The following GRIP1 variants were observed in gnomAD, a reference collection of about 807,000 sequenced individuals.
GRIP1 encodes glutamate receptor-interacting protein 1.
A neutral mutation model predicts 129.9 loss-of-function variants in GRIP1; 45 were observed. The observed-to-expected ratio is 0.35, with a 90% CI of 0.27 to 0.44. The LOEUF (loss-of-function observed/expected upper bound fraction) is 0.44, where lower values mean the gene tolerates loss of function less well. Ranked by LOEUF, GRIP1 falls within the 20% of genes least tolerant of loss-of-function variation. The probability of loss-of-function intolerance (pLI) is 1.00; values close to 1 mark genes in which losing one functional copy is unlikely to be tolerated. For synonymous variants in GRIP1, 530 were observed against 520.8 expected (o/e 1.02, Z -0.24); for missense variants, 1,196 against 1,396.8 (o/e 0.86, Z 2.29).
At chr12:66,851,979 A>G (rs995315248) in intron 1 of GRIP1, among the ~76,000 whole-genome samples, 1 of 152,080 alleles carries the variant, frequency 6.6e-6, no homozygotes, top group Non-Finnish European at 1.5e-5. Flanking sequence ...TGGCACAATT[A>G]ATATTCCTTT....
intron 1 of GRIP1, among the ~76,000 whole-genome samples, chr12:66,824,070 G>T (rs1216544461): frequency 6.6e-6 from 1 of 152,196 alleles, no homozygotes; most frequent in Non-Finnish European, 1.5e-5. Context: ...AGTCTGACAA[G>T]TTTTCAAGTT....
intron 14 of GRIP1, among the ~76,000 whole-genome samples, chr12:66,431,353 G>T (rs779414469): frequency 2.6e-5 from 4 of 152,116 alleles, no homozygotes; most frequent in Non-Finnish European, 5.9e-5. Flanking sequence ...TCACATTAGG[G>T]TTTGGGGGGA....
chr12:66,958,913 C>T lies in GRIP1; in HGVS notation c.58+110137G>A, dbSNP rs569507460. ...CCGCAGAGAATGAGTGCCCAGTACC[C>T]CACACACTCTCCAGCATCAGATATC... On this transcript the variant is annotated intron_variant, in intron 1 of 1. Transcript: ENST00000643019. Among the ~76,000 whole-genome samples, 31 of 152,220 alleles carry T rather than the reference C, an allele frequency of 2.0e-4. No homozygotes were observed. The South Asian group carries it at 6.0e-3, about 30-fold the overall frequency.
At chr12:66,704,654 G>C (rs1362182781) in intron 1 of GRIP1, among the ~76,000 whole-genome samples, 4 of 152,066 alleles carry the variant, frequency 2.6e-5, no homozygotes, top group Non-Finnish European at 5.9e-5. Flanking sequence ...GAGGTTAACA[G>C]AGTATCACTT....
At chr12:66,981,454 T>C (rs892235935) in intron 1 of GRIP1, among the ~76,000 whole-genome samples, 3 of 152,176 alleles carry the variant, frequency 2.0e-5, no homozygotes, top group South Asian at 2.1e-4. Flanking sequence ...CAAATATAAA[T>C]GACTATAATA....
At chr12:66,706,410 T>C (rs1395205017) in intron 1 of GRIP1, among the ~76,000 whole-genome samples, 1 of 152,156 alleles carries the variant, frequency 6.6e-6, no homozygotes, top group East Asian at 1.9e-4. Flanking sequence ...GCTTTTACAC[T>C]GTTGGTGGGA....
chr12:66,380,862 G>C (rs112869743), intron 19 of GRIP1, among the ~76,000 whole-genome samples: 1 of 152,082 alleles, frequency 6.6e-6, no homozygotes, highest in Non-Finnish European at 1.5e-5. Context: ...ACATGGATGC[G>C]CTGGCTTGGA....
intron 1 of GRIP1, among the ~76,000 whole-genome samples, chr12:66,922,247 GTA>G (rs2041225076): frequency 6.6e-6 from 1 of 152,168 alleles, no homozygotes; most frequent in Non-Finnish European, 1.5e-5. Context: ...GAACACATCA[GTA>G]ACCCCCAAAG....
chr12:66,565,789 C>T (rs1440051044), intron 2 of GRIP1, among the ~76,000 whole-genome samples: 2 of 152,156 alleles, frequency 1.3e-5, no homozygotes, highest in African/African-American at 4.8e-5. Context: ...TTTGTGTCCT[C>T]TTTTATTTCG....
intron 1 of GRIP1, among the ~76,000 whole-genome samples, chr12:66,950,806 T>C (rs2041745218): frequency 6.6e-6 from 1 of 152,196 alleles, no homozygotes; most frequent in Non-Finnish European, 1.5e-5. Flanking sequence ...AAAAAGTACA[T>C]GGTCATTCAT....
At chr12:67,064,096 T>C (rs2043581663) in intron 1 of GRIP1, among the ~76,000 whole-genome samples, 1 of 152,212 alleles carries the variant, frequency 6.6e-6, no homozygotes, top group South Asian at 2.1e-4. Flanking sequence ...TAAAATGTAG[T>C]CAAATAATTC....
At chr12:67,028,233 C>G (rs1866422080) in intron 1 of GRIP1, among the ~76,000 whole-genome samples, 1 of 152,342 alleles carries the variant, frequency 6.6e-6, no homozygotes, top group South Asian at 2.1e-4. Flanking sequence ...GATTTCCCCT[C>G]CTGTTATATC....
chr12:66,409,546 T>C (rs1374234593), intron 15 of GRIP1, among the ~76,000 whole-genome samples: 6 of 152,044 alleles, frequency 3.9e-5, no homozygotes, highest in African/African-American at 1.2e-4. Flanking sequence ...TTCGAATACT[T>C]AGAAAGCCTT....
At position 67,046,127 on chromosome 12, in the gene GRIP1, C is replaced by T. The variant is rs574320407; in HGVS notation, c.58+22923G>A. Among the ~76,000 whole-genome samples, 4 of 152,312 alleles carry T rather than the reference C, an allele frequency of 2.6e-5. No homozygotes were observed. In the South Asian group the frequency reaches 6.2e-4, roughly 24 times the overall value. On this transcript the variant is annotated intron_variant, in intron 1 of 1. Coordinates refer to the GRIP1 transcript ENST00000643019. ...TCTGATAAAACTGTAAAGAAAACAA[C>T]CTGAGCCCTCTTCAGTTGACCCCCA... is the stretch of plus-strand genomic sequence containing the variant.
chr12:66,818,095 G>A (rs1380482645), intron 1 of GRIP1, among the ~76,000 whole-genome samples: 1 of 152,174 alleles, frequency 6.6e-6, no homozygotes, highest in African/African-American at 2.4e-5. Flanking sequence ...TCAAGGAACT[G>A]TTTGTACTCT....
intron 1 of GRIP1, among the ~76,000 whole-genome samples, chr12:66,634,579 T>C (rs987127654): frequency 3.9e-5 from 6 of 152,244 alleles, no homozygotes; most frequent in African/African-American, 1.4e-4. Context: ...TAAGTTCTTT[T>C]AGCTTTAGAA....
chr12:66,457,370 C>T (rs2058998864), intron 9 of GRIP1, among the ~76,000 whole-genome samples: 1 of 152,138 alleles, frequency 6.6e-6, no homozygotes, highest in African/African-American at 2.4e-5. Context: ...TGGGTTCAGG[C>T]AATCCTCCCG....
Position 66,420,687 on chromosome 12 carries a change from C to T in GRIP1, c.1838+33G>A, listed in dbSNP as rs760683577. The T allele has an allele frequency of 6.7e-6, 8 of 1,188,786 alleles. 1 individual carries two copies. The South Asian group carries it at 9.7e-5, about 14-fold the overall frequency. The allele number at this position is 1,188,786 out of a possible 1,614,324, so 73.6% of individuals were successfully genotyped here. On this transcript the variant is annotated intron_variant, in intron 15 of 24. Transcript: ENST00000359742. Reference sequence around the variant, plus strand: ...CATGTTTACTTAAATTAAGAGAGGCCTTAAAATGAATCAGAAAATCCATTT... The same window carrying T: ...CATGTTTACTTAAATTAAGAGAGGCTTTAAAATGAATCAGAAAATCCATTT...
intron 7 of GRIP1, among the ~76,000 whole-genome samples, chr12:66,513,182 T>C (rs1295496550): frequency 2.6e-5 from 4 of 152,158 alleles, no homozygotes; most frequent in African/African-American, 7.2e-5. Flanking sequence ...TCTACTGGTC[T>C]CTTTATTATC....
Sources: gnomAD v4.1 joint callset for allele counts (sites outside exome capture counted in the v4.1 genomes callset) on GRCh38, gnomAD v4.1.1 for gene constraint, MANE v1.5 for transcripts, NCBI Gene and HGNC (gene_info 2026-07-23, HGNC 2026-07-21) for gene names.